Variants in MAGI3 observed in about 807,000 individuals in gnomAD.
MAGI3 encodes the protein membrane associated guanylate kinase, WW and PDZ domain containing 3, also known as membrane-associated guanylate kinase, WW and PDZ domain-containing protein 3.
In MAGI3, 43 loss-of-function variants were observed where a neutral mutation model predicts 121.8. The observed-to-expected ratio is 0.35, with a 90% CI of 0.28 to 0.46. MAGI3 has a LOEUF of 0.46. Among genes scored for constraint, MAGI3 ranks in the 20% least tolerant of loss-of-function variants. MAGI3 has a pLI of 1.00. For synonymous variants in MAGI3, 553 were observed against 639.3 expected (o/e 0.86, Z 2.04); for missense variants, 1,547 against 1,797.3 (o/e 0.86, Z 2.52).
chr1:113,604,995 ATAT>A (rs1305855326), intron 6 of MAGI3, among the ~76,000 whole-genome samples: 2 of 149,996 alleles, frequency 1.3e-5, no homozygotes, highest in African/African-American at 2.4e-5. Flanking sequence ...AATATATGTA[ATAT>A]TATTTTTAGA....
chr1:113,635,177 G>A (rs1032736988), intron 9 of MAGI3, among the ~76,000 whole-genome samples: 3 of 152,178 alleles, frequency 2.0e-5, no homozygotes, highest in African/African-American at 4.8e-5. Flanking sequence ...TGCAAACAGG[G>A]ACAATTTGAG....
intron 1 of MAGI3, among the ~76,000 whole-genome samples, chr1:113,505,571 A>C (rs1386547066): frequency 2.9e-5 from 4 of 138,334 alleles, no homozygotes; most frequent in Non-Finnish European, 6.3e-5. Flanking sequence ...ATGTCAGATC[A>C]CATAAAAGCT....
At chr1:113,530,053 G>A (rs1045229519) in intron 1 of MAGI3, among the ~76,000 whole-genome samples, 3 of 152,068 alleles carry the variant, frequency 2.0e-5, no homozygotes, top group African/African-American at 7.2e-5. Flanking sequence ...CAAATAAACA[G>A]TGCCATTTGG....
At chr1:113,396,451 C>A (rs1165984031) in intron 1 of MAGI3, among the ~76,000 whole-genome samples, 1 of 151,958 alleles carries the variant, frequency 6.6e-6, no homozygotes, top group Non-Finnish European at 1.5e-5. Context: ...AGAGTGAATG[C>A]CCTGAATTTA....
chr1:113,614,451 C>T lies in MAGI3; in HGVS notation c.1019-150C>T, dbSNP rs748786672. The T allele has an allele frequency of 1.1e-4, 73 of 639,196 alleles. 1 individual carries two copies. Among genetic ancestry groups the T allele is most frequent in the Admixed American group, 9.8e-4 (32 of 32,774 alleles). The allele number at this position is 639,196 out of a possible 1,614,324, so 39.6% of individuals were successfully genotyped here. On this transcript the variant is annotated intron_variant, in intron 6 of 20. Transcript: ENST00000307546. ...CTCACTGGCTGGTGAAGAAGCCACT[C>T]AGACTTAAATTGTGTTTGTTCCTTG...
At chr1:113,398,972 G>A (rs564265600) in intron 1 of MAGI3, among the ~76,000 whole-genome samples, 12 of 152,174 alleles carry the variant, frequency 7.9e-5, no homozygotes, top group African/African-American at 1.2e-4. Flanking sequence ...TGACAGAAAC[G>A]CTGTTGAGAT....
chr1:113,625,420 G>A (rs945442484), intron 9 of MAGI3, among the ~76,000 whole-genome samples: 1 of 151,992 alleles, frequency 6.6e-6, no homozygotes, highest in African/African-American at 2.4e-5. Context: ...TCGCTTCTTT[G>A]GTTAAGTTAA....
chr1:113,437,858 T>TTCTTCC (rs1434224540), intron 1 of MAGI3, among the ~76,000 whole-genome samples: 6 of 57,116 alleles, frequency 1.1e-4, no homozygotes, highest in Admixed American at 7.7e-4. Flanking sequence ...CTTCTTCTTC[T>TTCTTCC]TCTTCCTCTT....
chr1:113,480,735 A>G (rs1035049437), intron 1 of MAGI3, among the ~76,000 whole-genome samples: 4 of 152,076 alleles, frequency 2.6e-5, no homozygotes, highest in Non-Finnish European at 5.9e-5. Flanking sequence ...TCTCACCTGG[A>G]TTCCTCAGGT....
chr1:113,495,536 A>T (rs965227534), intron 1 of MAGI3, among the ~76,000 whole-genome samples: 1 of 152,084 alleles, frequency 6.6e-6, no homozygotes, highest in African/African-American at 2.4e-5. Flanking sequence ...CCGAGTCCCC[A>T]AAGTCCATTG....
At chr1:113,424,949 C>G (rs959510172) in intron 1 of MAGI3, among the ~76,000 whole-genome samples, 22 of 151,976 alleles carry the variant, frequency 1.4e-4, no homozygotes, top group Non-Finnish European at 2.6e-4. Context: ...GCCTGACCAA[C>G]ATGGTGAAAC....
intron 9 of MAGI3, among the ~76,000 whole-genome samples, chr1:113,640,241 C>T (rs566332987): frequency 1.3e-5 from 2 of 152,182 alleles, no homozygotes; most frequent in African/African-American, 4.8e-5. Flanking sequence ...TAGATGCTGG[C>T]AAGGCTGTGG....
rs764328065 is a variant in MAGI3 at position 113,622,834 on chromosome 1, T to A, written c.1200T>A (p.Asp400Glu). 1 of 1,589,784 alleles carries A rather than the reference T, an allele frequency of 6.3e-7. No individual in the cohort carries two copies. The highest frequency in any genetic ancestry group is 1.2e-5 in the South Asian group (1 of 85,506). ...PDMEKSHFTR[D>E]PSQLKGVLVR... Reference sequence around the variant, plus strand: ...TGGAAAAATCACACTTCACAAGAGATCCATCCCAGCTTAAAGGTGTCCTTG... The same window carrying A: ...TGGAAAAATCACACTTCACAAGAGAACCATCCCAGCTTAAAGGTGTCCTTG... The change falls in exon 9 of 21, where the codon GAT (aspartate) becomes GAA (glutamate). Residue 400 changes from aspartate (D) to glutamate (E), a missense_variant. Asp to Glu is a conservative substitution (Grantham distance 45). Transcript: ENST00000307546.
intron 2 of MAGI3, among the ~76,000 whole-genome samples, chr1:113,576,160 T>G (rs886976159): frequency 6.6e-6 from 1 of 152,172 alleles, no homozygotes; most frequent in Non-Finnish European, 1.5e-5. Flanking sequence ...CCAAGACCAC[T>G]TGGCTCCCTG....
In MAGI3 at chr1:113,685,520, A is replaced by AT. The variant is rs1364713568; in HGVS notation, c.*1511dup. The AT allele has an allele frequency of 2.0e-5, 3 of 152,332 alleles. No homozygotes were observed. Among genetic ancestry groups the AT allele is most frequent in the Admixed American group, 6.5e-5 (1 of 15,286 alleles). 9.4% of individuals were successfully genotyped at this position (152,332 alleles called of 1,614,324 possible). On this transcript the variant is annotated 3_prime_UTR_variant, in exon 21 of 21. Transcript: ENST00000307546. ...GATAAGACATGCTTCCCAGAGTGAG[A>AT]TTTTTGAAATCCCCTTTTCATCCAG...
At chr1:113,453,924 C>T (rs924162190) in intron 1 of MAGI3, among the ~76,000 whole-genome samples, 2 of 152,242 alleles carry the variant, frequency 1.3e-5, no homozygotes, top group Admixed American at 1.3e-4. Flanking sequence ...GAAGTATTAG[C>T]ATGCCACTTT....
intron 1 of MAGI3, among the ~76,000 whole-genome samples, chr1:113,416,854 A>G (rs2101365788): frequency 6.6e-6 from 1 of 152,006 alleles, no homozygotes. Context: ...AAAAACGACA[A>G]AGTTGCATAT....
chr1:113,651,917 G>A (rs1653192440), intron 14 of MAGI3, among the ~76,000 whole-genome samples: 1 of 152,166 alleles, frequency 6.6e-6, no homozygotes, highest in Non-Finnish European at 1.5e-5. Context: ...AGGAAAGTAG[G>A]ATGTTTCTAC....
intron 2 of MAGI3, among the ~76,000 whole-genome samples, chr1:113,574,520 A>G (rs184431334): frequency 1.3e-5 from 2 of 152,044 alleles, no homozygotes; most frequent in East Asian, 3.9e-4. Context: ...TTGGTCGCCT[A>G]CTCTCTTCTG....
Sources: gnomAD v4.1 joint callset for allele counts (sites outside exome capture counted in the v4.1 genomes callset) on GRCh38, gnomAD v4.1.1 for gene constraint, MANE v1.5 for transcripts, NCBI Gene and HGNC (gene_info 2026-07-23, HGNC 2026-07-21) for gene names.